The following PTPRD variants were observed in gnomAD, a reference collection of about 807,000 sequenced individuals.
The protein encoded by PTPRD is receptor-type tyrosine-protein phosphatase delta.
In PTPRD, 34 loss-of-function variants were observed where a neutral mutation model predicts 214.5. The ratio of observed to expected loss-of-function variants is 0.16; its 90% CI spans 0.12 to 0.21. PTPRD has a LOEUF of 0.21. Ranked by LOEUF, PTPRD falls within the 10% of genes least tolerant of loss-of-function variation. PTPRD has a pLI of 1.00. For synonymous variants in PTPRD, 1,128 were observed against 845.7 expected (o/e 1.33, Z -5.79); for missense variants, 2,545 against 2,398.7 (o/e 1.06, Z -1.27).
rs377452609 is a variant in PTPRD at position 10,448,504 on chromosome 9, T to C, written c.-599-107487A>G. Among the ~76,000 whole-genome samples, 31 of 152,070 alleles carry C rather than the reference T, an allele frequency of 2.0e-4. No individual in the cohort carries two copies. The South Asian group carries it at 4.1e-3, about 20-fold the overall frequency. ...AGTGAAAGGTGGTTCATCTAAAACA[T>C]AGAGATGAAATATAATAGGAAGTGG... On this transcript the variant is annotated intron_variant, in intron 2 of 45. Coordinates refer to ENST00000381196, the MANE Select transcript of PTPRD (RefSeq NM_002839.4).
intron 39 of PTPRD, among the ~76,000 whole-genome samples, chr9:8,347,593 G>A (rs2074235734): frequency 6.6e-6 from 1 of 152,132 alleles, no homozygotes; most frequent in Non-Finnish European, 1.5e-5. Flanking sequence ...TCTGTTATGG[G>A]CTGAATTGTG....
intron 8 of PTPRD, among the ~76,000 whole-genome samples, chr9:9,447,263 C>A (rs71497139): frequency 0.03 from 4,598 of 152,172 alleles, 94 homozygotes; most frequent in South Asian, 0.057. Context: ...ATGGAATCAA[C>A]CTAAATGTCC....
At chr9:9,010,556 G>C (rs1486065679) in intron 11 of PTPRD, among the ~76,000 whole-genome samples, 2 of 152,190 alleles carry the variant, frequency 1.3e-5, no homozygotes, top group African/African-American at 4.8e-5. Context: ...CTATCTGCCA[G>C]TGCACATGTT....
chr9:8,343,772 C>T (rs1258256904), intron 39 of PTPRD, among the ~76,000 whole-genome samples: 3 of 152,038 alleles, frequency 2.0e-5, no homozygotes, highest in Admixed American at 6.6e-5. Flanking sequence ...CTACACAAAG[C>T]ATGCAGTAAG....
chr9:9,908,996 A>C (rs1036003930), intron 5 of PTPRD, among the ~76,000 whole-genome samples: 9 of 152,018 alleles, frequency 5.9e-5, no homozygotes, highest in Non-Finnish European at 1.0e-4. Context: ...TGACATGATC[A>C]TATATTAACA....
chr9:9,883,996 C>G (rs1314160889), intron 5 of PTPRD, among the ~76,000 whole-genome samples: 1 of 152,018 alleles, frequency 6.6e-6, no homozygotes, highest in African/African-American at 2.4e-5. Context: ...AACTTCCATT[C>G]TTTGTTTTAT....
intron 7 of PTPRD, among the ~76,000 whole-genome samples, chr9:9,649,061 G>A (rs963248570): frequency 1.3e-5 from 2 of 152,104 alleles, no homozygotes; most frequent in African/African-American, 4.8e-5. Context: ...TGAGCCAGGG[G>A]AATTGGGCGA....
intron 3 of PTPRD, among the ~76,000 whole-genome samples, chr9:10,059,241 A>G (rs2097712507): frequency 6.6e-6 from 1 of 152,114 alleles, no homozygotes; most frequent in Non-Finnish European, 1.5e-5. Context: ...TGTTCTTCAC[A>G]TACTCCTGCT....
At chr9:9,367,550 TCAACTGAA>T (rs2058213687) in intron 9 of PTPRD, among the ~76,000 whole-genome samples, 1 of 151,610 alleles carries the variant, frequency 6.6e-6, no homozygotes, top group Non-Finnish European at 1.5e-5. Flanking sequence ...TCTGTACTGT[TCAACTGAA>T]GTCTAATTTT....
intron 37 of PTPRD, among the ~76,000 whole-genome samples, chr9:8,384,378 A>T (rs770116313): frequency 1.3e-5 from 2 of 152,182 alleles, no homozygotes; most frequent in African/African-American, 2.4e-5. Context: ...AAAACTTGAG[A>T]GGATTTGGCA....
chr9:9,036,550 A>G (rs1453665286), intron 10 of PTPRD, among the ~76,000 whole-genome samples: 1 of 152,170 alleles, frequency 6.6e-6, no homozygotes, highest in African/African-American at 2.4e-5. Context: ...ATGTGTCAAT[A>G]GTAGTTTATT....
intron 5 of PTPRD, among the ~76,000 whole-genome samples, chr9:9,797,141 A>G (rs1240900456): frequency 2.0e-5 from 3 of 151,804 alleles, no homozygotes; most frequent in Non-Finnish European, 4.4e-5. Context: ...GTTACAAAGT[A>G]TTTGGTACAG....
chr9:9,950,994 T>G (rs1215483206), intron 4 of PTPRD, among the ~76,000 whole-genome samples: 2 of 152,152 alleles, frequency 1.3e-5, no homozygotes, highest in East Asian at 1.9e-4. Context: ...GCTGGATTAC[T>G]CACTGGTATG....
intron 3 of PTPRD, among the ~76,000 whole-genome samples, chr9:10,049,407 A>AGAAAGAAAGAAAGAAAGAAAG: frequency 8.6e-6 from 1 of 115,736 alleles, no homozygotes; most frequent in East Asian, 2.5e-4. Context: ...TTAAAAAAAA[A>AGAAAGAAAGAAAGAAAGAAAG]AAAGAAAGAA....
intron 3 of PTPRD, among the ~76,000 whole-genome samples, chr9:10,313,027 T>C (rs1277017283): frequency 2.0e-5 from 3 of 151,946 alleles, no homozygotes; most frequent in African/African-American, 7.2e-5. Flanking sequence ...ACAACCTTGA[T>C]TATCAATAAT....
intron 14 of PTPRD, among the ~76,000 whole-genome samples, chr9:8,629,685 T>A (rs1181167759): frequency 6.6e-6 from 1 of 151,798 alleles, no homozygotes; most frequent in Admixed American, 6.6e-5. Flanking sequence ...CTCAGCCTCC[T>A]AAAGTGTTGT....
chr9:9,429,600 A>C (rs2082284331), intron 8 of PTPRD, among the ~76,000 whole-genome samples: 1 of 152,202 alleles, frequency 6.6e-6, no homozygotes, highest in South Asian at 2.1e-4. Flanking sequence ...AAAAACAAAA[A>C]AAGAGAATTT....
intron 2 of PTPRD, among the ~76,000 whole-genome samples, chr9:10,565,304 T>C (rs2065253249): frequency 6.6e-6 from 1 of 152,140 alleles, no homozygotes; most frequent in Admixed American, 6.6e-5. Flanking sequence ...CATGCTCAAC[T>C]TCATCATTTT....
chr9:9,635,431 A>T (rs1429225371), intron 7 of PTPRD, among the ~76,000 whole-genome samples: 1 of 152,184 alleles, frequency 6.6e-6, no homozygotes, highest in Non-Finnish European at 1.5e-5. Context: ...TGCTTCCTAT[A>T]GAAACAGCTT....
Sources: gnomAD v4.1 joint callset for allele counts (sites outside exome capture counted in the v4.1 genomes callset) on GRCh38, gnomAD v4.1.1 for gene constraint, MANE v1.5 for transcripts, NCBI Gene and HGNC (gene_info 2026-07-23, HGNC 2026-07-21) for gene names.